Variants in ZFHX3 observed in about 807,000 individuals in gnomAD.
ZFHX3 encodes zinc finger homeobox 3.
Under a neutral mutation model 279.1 loss-of-function variants are expected in ZFHX3, and 42 were observed. That is an observed-to-expected ratio of 0.15 (90% confidence interval 0.12 to 0.19). The LOEUF (loss-of-function observed/expected upper bound fraction) is 0.19. Ranked by LOEUF, ZFHX3 falls within the 10% of genes least tolerant of loss-of-function variation. The pLI, the probability that ZFHX3 is intolerant of heterozygous loss-of-function variation, is 1.00. For synonymous variants in ZFHX3, 2,293 were observed against 1,957.8 expected (o/e 1.17, Z -4.52); for missense variants, 4,981 against 4,754.0 (o/e 1.05, Z -1.40).
At chr16:73,313,587 T>C (rs2015377189) in intron 4 of ZFHX3, among the ~76,000 whole-genome samples, 1 of 152,166 alleles carries the variant, frequency 6.6e-6, no homozygotes, top group Non-Finnish European at 1.5e-5. Flanking sequence ...TAATGAGCGA[T>C]ACACCTGGGT....
chr16:73,047,840 C>T lies in ZFHX3; in HGVS notation c.-138G>A, dbSNP rs2144719733. The stretch of plus-strand genomic sequence containing the variant: ...CCGCCATGCGCAACAACGGGAAATT[C>T]CAGTGGCACCCGAGCCCCGAGCTCA... On this transcript the variant is annotated 5_prime_UTR_variant, in exon 1 of 10. Coordinates refer to ENST00000268489, the MANE Select transcript of ZFHX3 (RefSeq NM_006885.4). 1 of 152,538 alleles carries T rather than the reference C, an allele frequency of 6.6e-6. No individual in the cohort carries two copies. The highest frequency in any genetic ancestry group is 1.9e-4 in the East Asian group (1 of 5,172). 9.4% of individuals were successfully genotyped at this position (152,538 alleles called of 1,614,324 possible). A position where few individuals can be genotyped will look rare whatever the true frequency, so the allele number is the denominator to read the frequency against.
At chr16:72,962,540 A>T (rs1961629109) in intron 1 of ZFHX3, among the ~76,000 whole-genome samples, 1 of 151,852 alleles carries the variant, frequency 6.6e-6, no homozygotes, top group Admixed American at 6.6e-5. Context: ...GACCCAAGCT[A>T]CCTCCCCTGG....
intron 1 of ZFHX3, among the ~76,000 whole-genome samples, chr16:73,847,967 G>T (rs2142376484): frequency 7.2e-6 from 1 of 139,724 alleles, no homozygotes; most frequent in Middle Eastern, 4.1e-3. Context: ...CACCATATTG[G>T]CCAGACTGGT....
chr16:73,193,820 G>A (rs1325966393), intron 5 of ZFHX3, among the ~76,000 whole-genome samples: 1 of 152,172 alleles, frequency 6.6e-6, no homozygotes, highest in African/African-American at 2.4e-5. Flanking sequence ...CTGTACAGTG[G>A]GGATAATAGG....
intron 4 of ZFHX3, among the ~76,000 whole-genome samples, chr16:73,291,066 C>T (rs950033451): frequency 6.6e-6 from 1 of 152,200 alleles, no homozygotes; most frequent in Non-Finnish European, 1.5e-5. Flanking sequence ...ACCTCGCCTG[C>T]CACAACAAAC....
chr16:72,979,985 G>C (rs182496165), intron 1 of ZFHX3, among the ~76,000 whole-genome samples: 1 of 152,344 alleles, frequency 6.6e-6, no homozygotes, highest in East Asian at 1.9e-4. Flanking sequence ...CAACTGCTGA[G>C]AATGGGATAA....
chr16:73,003,512 A>AT (rs1963573939), intron 1 of ZFHX3, among the ~76,000 whole-genome samples: 1 of 120,680 alleles, frequency 8.3e-6, no homozygotes, highest in Non-Finnish European at 1.7e-5. Flanking sequence ...ACATGGTGAG[A>AT]CCCCCCCCTC....
At chr16:73,005,628 C>G (rs1240980423) in intron 1 of ZFHX3, 2 of 152,352 alleles carry the variant, frequency 1.3e-5, no homozygotes, top group East Asian at 3.9e-4. Context: ...CCCGTCTCTA[C>G]TAAAAATACA....
At chr16:73,415,033 T>C (rs1423655841) in intron 3 of ZFHX3, among the ~76,000 whole-genome samples, 1 of 152,180 alleles carries the variant, frequency 6.6e-6, no homozygotes, top group Non-Finnish European at 1.5e-5. Flanking sequence ...CCATGATCAA[T>C]TCCTGGGTGT....
intron 4 of ZFHX3, among the ~76,000 whole-genome samples, chr16:73,289,750 G>A (rs550529748): frequency 2.6e-5 from 4 of 152,218 alleles, no homozygotes; most frequent in African/African-American, 9.6e-5. Context: ...TACCATTCTG[G>A]TGAGCCCCCA....
At chr16:73,692,505 T>C (rs866931038) in intron 1 of ZFHX3, among the ~76,000 whole-genome samples, 93 of 152,112 alleles carry the variant, frequency 6.1e-4, no homozygotes, top group African/African-American at 2.2e-3. Flanking sequence ...TTAAAGGAGG[T>C]AACTATTTTT....
chr16:72,876,899 A>G (rs868154429), intron 4 of ZFHX3, among the ~76,000 whole-genome samples: 3 of 152,268 alleles, frequency 2.0e-5, no homozygotes, highest in East Asian at 3.9e-4. Flanking sequence ...GGGTCTTTCA[A>G]CGTGAGCCTG....
At chr16:73,032,682 A>G (rs1964749176) in intron 1 of ZFHX3, among the ~76,000 whole-genome samples, 1 of 142,268 alleles carries the variant, frequency 7.0e-6, no homozygotes, top group Admixed American at 7.1e-5. Flanking sequence ...TAAAAAAAGA[A>G]CAGGAAAAAA....
chr16:73,503,495 T>C (rs915768001), intron 2 of ZFHX3, among the ~76,000 whole-genome samples: 9 of 152,184 alleles, frequency 5.9e-5, no homozygotes, highest in Non-Finnish European at 1.3e-4. Flanking sequence ...TGGTACTCCA[T>C]GGCGGCACCT....
intron 4 of ZFHX3, among the ~76,000 whole-genome samples, chr16:73,291,894 A>T (rs1251943235): frequency 3.9e-5 from 6 of 152,182 alleles, no homozygotes; most frequent in African/African-American, 7.2e-5. Flanking sequence ...GGTGCTAGTC[A>T]CTTGGCAAGC....
At chr16:73,028,860 C>G (rs1315269193) in intron 1 of ZFHX3, among the ~76,000 whole-genome samples, 1 of 152,216 alleles carries the variant, frequency 6.6e-6, no homozygotes, top group Non-Finnish European at 1.5e-5. Context: ...AGCAGGGAAA[C>G]CTTTTCGGCA....
intron 1 of ZFHX3, among the ~76,000 whole-genome samples, chr16:73,878,005 A>C (rs575147659): frequency 1.3e-5 from 2 of 151,848 alleles, no homozygotes; most frequent in South Asian, 4.1e-4. Flanking sequence ...ATATATATAC[A>C]TATATATATC....
intron 3 of ZFHX3, among the ~76,000 whole-genome samples, chr16:72,897,353 A>T (rs1425359201): frequency 6.6e-6 from 1 of 152,244 alleles, no homozygotes; most frequent in Non-Finnish European, 1.5e-5. Context: ...CAACTTGATA[A>T]GATGAAGTAG....
At chr16:73,058,309 G>T (rs1398793285) in intron 1 of ZFHX3, among the ~76,000 whole-genome samples, 1 of 146,730 alleles carries the variant, frequency 6.8e-6, no homozygotes, top group African/African-American at 2.5e-5. Flanking sequence ...TTGGCGTAGG[G>T]GGAAGGCGAG....
Sources: gnomAD v4.1 joint callset for allele counts (sites outside exome capture counted in the v4.1 genomes callset) on GRCh38, gnomAD v4.1.1 for gene constraint, MANE v1.5 for transcripts, NCBI Gene and HGNC (gene_info 2026-07-23, HGNC 2026-07-21) for gene names.